The following MSRA variants were observed in gnomAD, a reference collection of about 807,000 sequenced individuals.
The protein encoded by MSRA is methionine sulfoxide reductase A, also known as mitochondrial peptide methionine sulfoxide reductase.
MSRA carries 54 observed loss-of-function variants against 31.3 expected under a neutral mutation model. That is an observed-to-expected ratio of 1.73 (90% CI 1.39 to 2.17). The LOEUF is 2.17. Ranked by LOEUF, MSRA falls within the 30% of genes most tolerant of loss-of-function variation. The probability of loss-of-function intolerance (pLI) is 0.00; values close to 1 mark genes in which losing one functional copy is unlikely to be tolerated. For missense variants in MSRA, 507 were observed against 300.9 expected, an observed-to-expected ratio of 1.69 and a Z score of -5.07; for synonymous variants, 169 against 116.5, an observed-to-expected ratio of 1.45 and a Z score of -2.90.
rs35563018 is a variant in MSRA at position 10,371,524 on chromosome 8, C to T, written c.543+51535C>T. Among the ~76,000 whole-genome samples, 669 of 152,208 alleles carry T rather than the reference C, an allele frequency of 4.4e-3. 17 individuals carry two copies. In the East Asian group the frequency reaches 0.087, roughly 20 times the overall value. On this transcript the variant is annotated intron_variant, in intron 5 of 5. Transcript: ENST00000317173. ...TTTTTGCCTGCATAAAAGTAAACAGCAGCAAAGAGAAACATTCTTTCTAGT... is the reference window on the plus strand; with the variant it reads ...TTTTTGCCTGCATAAAAGTAAACAGTAGCAAAGAGAAACATTCTTTCTAGT...
chr8:10,372,923 C>G (rs1481285591), intron 5 of MSRA, among the ~76,000 whole-genome samples: 1 of 152,236 alleles, frequency 6.6e-6, no homozygotes, highest in African/African-American at 2.4e-5. Flanking sequence ...GAATCTTGCT[C>G]TGTCACCCAG....
intron 1 of MSRA, among the ~76,000 whole-genome samples, chr8:10,105,198 T>C (rs1008533486): frequency 2.0e-5 from 3 of 152,212 alleles, no homozygotes; most frequent in Non-Finnish European, 4.4e-5. Context: ...CTCAATCTTT[T>C]TTTTTCTCAT....
At chr8:10,403,864 C>G (rs1246683662) in intron 5 of MSRA, among the ~76,000 whole-genome samples, 2 of 152,150 alleles carry the variant, frequency 1.3e-5, no homozygotes, top group African/African-American at 4.8e-5. Context: ...CCTAGGCTTC[C>G]CATCTGGTGC....
chr8:10,195,458 C>G (rs904235867), intron 1 of MSRA, among the ~76,000 whole-genome samples: 7 of 152,182 alleles, frequency 4.6e-5, no homozygotes, highest in Non-Finnish European at 7.3e-5. Context: ...CCAGGGTGGT[C>G]TTGAATTCCT....
At chr8:10,385,315 G>A (rs896767433) in intron 5 of MSRA, among the ~76,000 whole-genome samples, 5 of 152,216 alleles carry the variant, frequency 3.3e-5, no homozygotes, top group African/African-American at 1.2e-4. Flanking sequence ...AGCTTAACAG[G>A]ATTCTTACTA....
intron 1 of MSRA, among the ~76,000 whole-genome samples, chr8:10,130,762 C>A (rs1025518998): frequency 2.6e-5 from 4 of 152,084 alleles, no homozygotes; most frequent in African/African-American, 9.7e-5. Context: ...TTCTGGCGGT[C>A]GCTAAGATGT....
rs115344888 is a variant in MSRA at position 10,232,761 on chromosome 8, G to T, written c.212-12343G>T. 8.4e-3 allele frequency among the ~76,000 whole-genome samples: 1,283 copies of T among 152,276 alleles called. 25 individuals carry two copies. The highest frequency in any genetic ancestry group is 0.029 in the African/African-American group (1,217 of 41,548). On this transcript the variant is annotated intron_variant, in intron 2 of 5. Coordinates refer to ENST00000317173, the MANE Select transcript of MSRA (RefSeq NM_012331.5). ...ACAGATTAAAATTGTGAGTAGAAAT[G>T]CAGGAATCTTAAGGTAATTCTAAAT...
At chr8:10,153,658 G>C (rs1803907842) in intron 1 of MSRA, among the ~76,000 whole-genome samples, 2 of 152,040 alleles carry the variant, frequency 1.3e-5, no homozygotes. Flanking sequence ...CACAGGTGAG[G>C]GTGTCGCCCA....
intron 1 of MSRA, among the ~76,000 whole-genome samples, chr8:10,139,938 T>A (rs533572071): frequency 3.3e-5 from 5 of 152,242 alleles, no homozygotes; most frequent in African/African-American, 1.2e-4. Flanking sequence ...TTTCTGTTCT[T>A]ACCCATCGCT....
At chr8:10,413,202 C>T (rs750916290) in intron 5 of MSRA, among the ~76,000 whole-genome samples, 2 of 152,130 alleles carry the variant, frequency 1.3e-5, no homozygotes, top group East Asian at 1.9e-4. Context: ...AGTGGAGAAC[C>T]GTGGGGTCCC....
At position 10,149,022 on chromosome 8, in the gene MSRA, C is replaced by T. The variant is rs565396839; in HGVS notation, c.143-58811C>T. 2.7e-5 allele frequency among the ~76,000 whole-genome samples: 4 copies of T among 150,202 alleles called. No individual in the cohort carries two copies. In the East Asian group the frequency reaches 7.8e-4, roughly 29 times the overall value. On this transcript the variant is annotated intron_variant, in intron 1 of 5. Coordinates refer to ENST00000317173, the MANE Select transcript of MSRA (RefSeq NM_012331.5). ...CCCAGGCTGGGTGCAATGGTTCAGTCTTGGCTCAGTGTAACCTCTGCCTCC... is the reference window on the plus strand; with the variant it reads ...CCCAGGCTGGGTGCAATGGTTCAGTTTTGGCTCAGTGTAACCTCTGCCTCC...
chr8:10,243,101 C>A (rs1797422772), intron 2 of MSRA, among the ~76,000 whole-genome samples: 1 of 152,188 alleles, frequency 6.6e-6, no homozygotes, highest in South Asian at 2.1e-4. Flanking sequence ...GGAGTGGGAC[C>A]ATGGGCAAAG....
intron 1 of MSRA, among the ~76,000 whole-genome samples, chr8:10,162,042 A>T (rs755459172): frequency 6.6e-6 from 1 of 152,122 alleles, no homozygotes; most frequent in Non-Finnish European, 1.5e-5. Flanking sequence ...CATGTCCTAG[A>T]TTCTGTGAGA....
At chr8:10,323,764 G>GTGTGTGTGTGTGTGTC (rs1163061823) in intron 5 of MSRA, among the ~76,000 whole-genome samples, 1 of 151,498 alleles carries the variant, frequency 6.6e-6, no homozygotes. Context: ...GTGTGTGTGT[G>GTGTGTGTGTGTGTGTC]TGTGTGTGTG....
intron 3 of MSRA, among the ~76,000 whole-genome samples, chr8:10,251,337 C>T (rs915146140): frequency 6.6e-6 from 1 of 152,038 alleles, no homozygotes; most frequent in Non-Finnish European, 1.5e-5. Flanking sequence ...CAGATTTTAT[C>T]AAGCAATGTA....
intron 3 of MSRA, among the ~76,000 whole-genome samples, chr8:10,272,414 G>T (rs1799091867): frequency 1.3e-5 from 2 of 152,122 alleles, no homozygotes; most frequent in Admixed American, 1.3e-4. Context: ...TTCAAAGGCA[G>T]GAAAAAAATC....
At chr8:10,140,962 A>G (rs1802653101) in intron 1 of MSRA, among the ~76,000 whole-genome samples, 1 of 152,196 alleles carries the variant, frequency 6.6e-6, no homozygotes, top group Non-Finnish European at 1.5e-5. Flanking sequence ...CATACACCTA[A>G]AGATGAATAT....
intron 1 of MSRA, among the ~76,000 whole-genome samples, chr8:10,077,725 C>T (rs564769688): frequency 1.7e-4 from 26 of 152,188 alleles, no homozygotes; most frequent in African/African-American, 6.3e-4. Context: ...GACAACTCAT[C>T]TATTAATAAG....
At chr8:10,400,400 G>A (rs1352632401) in intron 5 of MSRA, among the ~76,000 whole-genome samples, 1 of 151,488 alleles carries the variant, frequency 6.6e-6, no homozygotes, top group Non-Finnish European at 1.5e-5. Context: ...GTAGTGTGTA[G>A]GGAAAGATAC....
Sources: allele counts gnomAD v4.1 joint callset (sites outside exome capture counted in the v4.1 genomes callset), GRCh38; gene constraint gnomAD v4.1.1; transcripts MANE v1.5; gene names NCBI Gene and HGNC (gene_info 2026-07-23, HGNC 2026-07-21).